The following ACVR1 variants were observed in gnomAD, a reference collection of about 807,000 sequenced individuals.
ACVR1 encodes activin receptor type-1.
In ACVR1, 38 loss-of-function variants were observed where a neutral mutation model predicts 57.1. The observed-to-expected ratio is 0.67, with a 90% CI of 0.51 to 0.87. The LOEUF (loss-of-function observed/expected upper bound fraction) is 0.87, where lower values mean the gene tolerates loss of function less well. Ranked by LOEUF, ACVR1 falls within the 40% of genes least tolerant of loss-of-function variation. ACVR1 has a pLI of 0.00. For synonymous variants in ACVR1, 212 were observed against 228.1 expected (o/e 0.93, Z 0.63); for missense variants, 463 against 638.2 (o/e 0.73, Z 2.96).
At chr2:157,747,949 G>A (rs1685036487) in intron 9 of ACVR1, among the ~76,000 whole-genome samples, 1 of 152,110 alleles carries the variant, frequency 6.6e-6, no homozygotes, top group African/African-American at 2.4e-5. Flanking sequence ...AACATTCTGG[G>A]AACCAGTTAA....
intron 1 of ACVR1, among the ~76,000 whole-genome samples, chr2:157,837,176 T>C (rs1333879893): frequency 6.6e-6 from 1 of 152,236 alleles, no homozygotes; most frequent in Non-Finnish European, 1.5e-5. Flanking sequence ...GTAATTTAAA[T>C]TTTACACTCA....
chr2:157,828,075 C>T (rs918992268), intron 1 of ACVR1, among the ~76,000 whole-genome samples: 3 of 152,112 alleles, frequency 2.0e-5, no homozygotes, highest in Non-Finnish European at 4.4e-5. Context: ...GTAATCCCAG[C>T]ACTTTGAGAA....
intron 2 of ACVR1, among the ~76,000 whole-genome samples, chr2:157,808,172 T>A (rs1317929650): frequency 2.0e-5 from 3 of 152,052 alleles, no homozygotes; most frequent in Non-Finnish European, 4.4e-5. Context: ...TAAAATAAAA[T>A]AAATAAATTT....
At chr2:157,813,911 A>G (rs1192690408) in intron 2 of ACVR1, among the ~76,000 whole-genome samples, 1 of 152,240 alleles carries the variant, frequency 6.6e-6, no homozygotes, top group Non-Finnish European at 1.5e-5. Context: ...CCCACATGAC[A>G]TTAGAATGAA....
intron 6 of ACVR1, 83 bp from the exon 7 acceptor site, chr2:157,770,597 T>C (rs1686037541): frequency 7.3e-7 from 1 of 1,363,130 alleles, no homozygotes; most frequent in Non-Finnish European, 1.0e-6. Context: ...ATTAATTTAG[T>C]GCATGCAACT....
chr2:157,774,003 G>A, intron 6 of ACVR1, 85 bp downstream of exon 6: 1 of 1,171,882 alleles, frequency 8.5e-7, no homozygotes, highest in Non-Finnish European at 1.3e-6. Context: ...GTAACAAAAA[G>A]CAGATTTTCC....
chr2:157,830,635 C>T (rs1232057538), intron 1 of ACVR1, among the ~76,000 whole-genome samples: 1 of 146,076 alleles, frequency 6.8e-6, no homozygotes, highest in Non-Finnish European at 1.5e-5. Context: ...AGAGAGAAAA[C>T]AAAACTTGAA....
chr2:157,836,173 G>C (rs757635694), intron 1 of ACVR1, among the ~76,000 whole-genome samples: 8 of 152,226 alleles, frequency 5.3e-5, no homozygotes, highest in South Asian at 4.1e-4. Flanking sequence ...CTCAGAGCAG[G>C]CTCTCTACTT....
rs1245498605 is a variant in ACVR1 at position 157,737,418 on chromosome 2, A to G, written c.*113T>C. 26 of 1,410,922 alleles carry G rather than the reference A, an allele frequency of 1.8e-5. No individual in the cohort carries two copies. Among genetic ancestry groups the G allele is most frequent in the Non-Finnish European group, 2.2e-5 (23 of 1,022,776 alleles). 87.4% of individuals were successfully genotyped at this position (1,410,922 alleles called of 1,614,324 possible). On this transcript the variant is annotated 3_prime_UTR_variant, in exon 11 of 11. Coordinates refer to ENST00000434821, the MANE Select transcript of ACVR1 (RefSeq NM_001111067.4). ...CGACGTCTGCCTTGTCAAAGCAGCC[A>G]TTTGGGGAGGGAGACAGATGGATTC...
At chr2:157,834,878 T>TA (rs1320220932) in intron 1 of ACVR1, among the ~76,000 whole-genome samples, 1 of 152,060 alleles carries the variant, frequency 6.6e-6, no homozygotes, top group African/African-American at 2.4e-5. Flanking sequence ...AGACCCCAGA[T>TA]AGCTACCTTA....
At chr2:157,759,133 G>A (rs1685547794) in intron 9 of ACVR1, among the ~76,000 whole-genome samples, 2 of 151,426 alleles carry the variant, frequency 1.3e-5, no homozygotes, top group African/African-American at 4.8e-5. Context: ...GAATAAGAAA[G>A]GTCATAGCAA....
intron 2 of ACVR1, among the ~76,000 whole-genome samples, chr2:157,807,370 T>C (rs887644161): frequency 6.6e-6 from 1 of 152,168 alleles, no homozygotes; most frequent in African/African-American, 2.4e-5. Context: ...CAAAACTAGG[T>C]GTTATTTCAC....
chr2:157,855,357 G>T (rs867407286), intron 1 of ACVR1, among the ~76,000 whole-genome samples: 1 of 136,410 alleles, frequency 7.3e-6, no homozygotes, highest in Middle Eastern at 3.8e-3. Flanking sequence ...AAAATTAGCC[G>T]GACGTGGTGG....
intron 9 of ACVR1, among the ~76,000 whole-genome samples, chr2:157,746,302 C>T (rs965802538): frequency 1.3e-5 from 2 of 152,190 alleles, no homozygotes; most frequent in African/African-American, 4.8e-5. Flanking sequence ...CATTTAATCA[C>T]CATAACCCTT....
chr2:157,770,410 C>T lies in ACVR1; in HGVS notation c.748G>A (p.Glu250Lys). ...RDEKSWFRET[E>K]LYNTVMLRHE... is the part of the protein sequence containing the mutation. ...CTCAGCATCACAGTGTTGTACAATT[C>T]CGTTTCCCTGAACCATGACTTCTCA... The change falls in exon 7 of 11, where the codon GAA (glutamate) becomes AAA (lysine). Residue 250 changes from glutamate to lysine, a missense_variant. By Grantham distance (56) the Glu-to-Lys change is moderately conservative. Coordinates refer to ENST00000434821, the MANE Select transcript of ACVR1 (RefSeq NM_001111067.4). 2 of 1,614,132 alleles carry T rather than the reference C, an allele frequency of 1.2e-6. No individual in the cohort carries two copies. Among genetic ancestry groups the T allele is most frequent in the Non-Finnish European group, 1.7e-6 (2 of 1,179,980 alleles).
At chr2:157,792,556 T>TG (rs1432849610) in intron 3 of ACVR1, among the ~76,000 whole-genome samples, 1 of 152,216 alleles carries the variant, frequency 6.6e-6, no homozygotes, top group Non-Finnish European at 1.5e-5. Flanking sequence ...AGCTGTCACA[T>TG]GAGGGCAGTA....
intron 8 of ACVR1, among the ~76,000 whole-genome samples, chr2:157,763,440 G>GA (rs1463594201): frequency 1.3e-5 from 2 of 152,066 alleles, no homozygotes; most frequent in Non-Finnish European, 2.9e-5. Context: ...AAAAACAGAC[G>GA]AGGCACAGTG....
intron 1 of ACVR1, chr2:157,838,150 T>A (rs937738451): frequency 1.3e-5 from 2 of 152,170 alleles, no homozygotes; most frequent in African/African-American, 4.8e-5. Context: ...GCCTCTATCA[T>A]GTAAAAGCGA....
chr2:157,755,533 C>CGT (rs1685390561), intron 9 of ACVR1, among the ~76,000 whole-genome samples: 1 of 70,528 alleles, frequency 1.4e-5, no homozygotes, highest in African/African-American at 9.8e-5. Flanking sequence ...AATACCATAC[C>CGT]ATACCATACC....
Sources: allele counts gnomAD v4.1 joint callset (sites outside exome capture counted in the v4.1 genomes callset), GRCh38; gene constraint gnomAD v4.1.1; transcripts MANE v1.5; gene names NCBI Gene and HGNC (gene_info 2026-07-23, HGNC 2026-07-21).